AFF2: variants seen among roughly 807,000 people sequenced by gnomAD.
The protein encoded by AFF2 is ALF transcription elongation factor 2.
AFF2 carries 14 observed loss-of-function variants against 76.9 expected under a neutral mutation model. The observed-to-expected ratio is 0.18, with a 90% confidence interval of 0.12 to 0.28. The LOEUF (loss-of-function observed/expected upper bound fraction) is 0.28, where lower values mean the gene tolerates loss of function less well. Among genes scored for constraint, AFF2 ranks in the 10% least tolerant of loss-of-function variants. AFF2 has a pLI of 1.00. For missense variants in AFF2, 868 were observed against 1,001.1 expected, an observed-to-expected ratio of 0.87 and a Z score of 1.79; for synonymous variants, 398 against 366.7, an observed-to-expected ratio of 1.09 and a Z score of -0.98.
At chrX:148,701,012 A>AGATG (rs782232655) in intron 3 of AFF2, among the ~76,000 whole-genome samples, 1 of 73,743 alleles carries the variant, frequency 1.4e-5, no homozygotes, top group Non-Finnish European at 2.5e-5. Flanking sequence ...GAGAGAGAGA[A>AGATG]TGTGTGTGTG....
chrX:148,729,972 A>G (rs1410056880), intron 3 of AFF2, among the ~76,000 whole-genome samples: 2 of 111,915 alleles, frequency 1.8e-5, no homozygotes, highest in East Asian at 2.8e-4. Flanking sequence ...CCTCATAGGA[A>G]TGTTCTACGC....
intron 1 of AFF2, among the ~76,000 whole-genome samples, chrX:148,530,240 C>G (rs1219692806): frequency 9.0e-6 from 1 of 111,491 alleles, no homozygotes; most frequent in Non-Finnish European, 1.9e-5. Flanking sequence ...ATTCTCAGGT[C>G]ATCTGTGGGC....
intron 9 of AFF2, among the ~76,000 whole-genome samples, chrX:148,922,460 C>A (rs2071606557): frequency 8.9e-6 from 1 of 112,267 alleles, no homozygotes; most frequent in East Asian, 2.8e-4. Flanking sequence ...GGCTCAAAAA[C>A]ATGAAGCTCT....
At chrX:148,514,128 G>A (rs1193544966) in intron 1 of AFF2, among the ~76,000 whole-genome samples, 1 of 111,844 alleles carries the variant, frequency 8.9e-6, no homozygotes, top group East Asian at 2.8e-4. Context: ...TGGGGTTAAT[G>A]TGACTTTTAT....
chrX:148,881,309 A>T (rs1223889928), intron 7 of AFF2, among the ~76,000 whole-genome samples: 1 of 111,689 alleles, frequency 9.0e-6, no homozygotes, highest in Non-Finnish European at 1.9e-5. Context: ...TGTGTGTTGG[A>T]ACAGCTTCCT....
intron 3 of AFF2, among the ~76,000 whole-genome samples, chrX:148,685,798 A>T (rs2054595112): frequency 9.0e-6 from 1 of 110,894 alleles, no homozygotes. Flanking sequence ...TTTTTTTAAA[A>T]TTACCGGTCT....
intron 8 of AFF2, among the ~76,000 whole-genome samples, chrX:148,887,823 A>G (rs1430020337): frequency 8.9e-6 from 1 of 111,752 alleles, no homozygotes; most frequent in African/African-American, 3.3e-5. Flanking sequence ...TAGGAGCAAG[A>G]TGTAGGCACA....
Position 148,987,697 on chromosome X carries a change from T to C in AFF2, c.3814+140T>C, listed in dbSNP as rs1224837692. 7.3e-6 allele frequency: 4 copies of C among 544,888 alleles called. No homozygotes were observed. The East Asian group carries it at 1.5e-4, about 20-fold the overall frequency. The allele number at this position is 544,888 out of a possible 1,213,427, so 44.9% of individuals were successfully genotyped here. Reference sequence around the variant, plus strand: ...GAACTTAGATAAGGGAAGACAGAGTTCGCTCAGGGCTGACACAGTGACCTA... The same window carrying C: ...GAACTTAGATAAGGGAAGACAGAGTCCGCTCAGGGCTGACACAGTGACCTA... On this transcript the variant is annotated intron_variant, in intron 20 of 20. Coordinates refer to ENST00000370460, the MANE Select transcript of AFF2 (RefSeq NM_002025.4).
At chrX:148,814,308 T>A (rs193241784) in intron 4 of AFF2, among the ~76,000 whole-genome samples, 1,733 of 112,028 alleles carry the variant, frequency 0.015, 13 homozygotes, top group Non-Finnish European at 0.025. Context: ...TGCTACTAGC[T>A]AAGGATGGAT....
chrX:148,731,759 C>T (rs1245819229), intron 3 of AFF2, among the ~76,000 whole-genome samples: 4 of 92,254 alleles, frequency 4.3e-5, no homozygotes, highest in Admixed American at 1.2e-4. Context: ...AAAAAGTGGG[C>T]GAAGGACATG....
At chrX:148,527,120 A>G (rs1295691834) in intron 1 of AFF2, among the ~76,000 whole-genome samples, 1 of 112,337 alleles carries the variant, frequency 8.9e-6, no homozygotes, top group Non-Finnish European at 1.9e-5. Flanking sequence ...ACCTTAAGCA[A>G]GTGACCAAAG....
chrX:148,581,036 C>CACATATGTGTATATGTATATAT (rs1569551581), intron 1 of AFF2, among the ~76,000 whole-genome samples: 9 of 33,707 alleles, frequency 2.7e-4, no homozygotes, highest in African/African-American at 6.5e-4. Flanking sequence ...TGTATATATA[C>CACATATGTGTATATGTATATAT]ACACATATAT....
At chrX:148,827,872 A>G (rs1184688718) in intron 4 of AFF2, among the ~76,000 whole-genome samples, 1 of 112,053 alleles carries the variant, frequency 8.9e-6, no homozygotes, top group Non-Finnish European at 1.9e-5. Context: ...ATTATTAGAA[A>G]TGCTGCTGGA....
intron 9 of AFF2, among the ~76,000 whole-genome samples, chrX:148,922,801 T>C (rs2071610391): frequency 8.9e-6 from 1 of 111,822 alleles, no homozygotes; most frequent in African/African-American, 3.3e-5. Flanking sequence ...TGTTTTTCAC[T>C]TACCATCCCT....
intron 3 of AFF2, among the ~76,000 whole-genome samples, chrX:148,779,840 G>A (rs1198834012): frequency 8.9e-6 from 1 of 112,014 alleles, no homozygotes; most frequent in Non-Finnish European, 1.9e-5. Context: ...TCTTCATAGT[G>A]TTGATGGTCT....
chrX:148,612,411 A>G (rs2053743506), intron 1 of AFF2, among the ~76,000 whole-genome samples: 1 of 112,339 alleles, frequency 8.9e-6, no homozygotes, highest in Admixed American at 9.4e-5. Context: ...TGTTTTACCA[A>G]AGCTATTGAA....
At chrX:148,903,678 C>T (rs1308622031) in intron 8 of AFF2, among the ~76,000 whole-genome samples, 1 of 111,655 alleles carries the variant, frequency 9.0e-6, no homozygotes, top group African/African-American at 3.3e-5. Context: ...TCAGTCATTC[C>T]TTGCCCTTCT....
chrX:148,825,777 T>C (rs2070381750), intron 4 of AFF2, among the ~76,000 whole-genome samples: 1 of 107,433 alleles, frequency 9.3e-6, no homozygotes, highest in Admixed American at 1.0e-4. Context: ...ATTTTGCACA[T>C]TTCTTTCCTT....
At chrX:148,537,717 C>T (rs1411286473) in intron 1 of AFF2, among the ~76,000 whole-genome samples, 2 of 110,618 alleles carry the variant, frequency 1.8e-5, no homozygotes, top group African/African-American at 6.6e-5. Context: ...TTCCTCCCTG[C>T]TGCTTAGCTC....
Sources: allele counts gnomAD v4.1 joint callset (sites outside exome capture counted in the v4.1 genomes callset), GRCh38; gene constraint gnomAD v4.1.1; transcripts MANE v1.5; gene names NCBI Gene and HGNC (gene_info 2026-07-23, HGNC 2026-07-21).